TANGO6: variants seen among roughly 807,000 people sequenced by gnomAD.
The protein encoded by TANGO6 is transport and golgi organization 6 homolog, also known as transport and Golgi organization protein 6 homolog.
In TANGO6, 90 loss-of-function variants were observed where a neutral mutation model predicts 114.2. That is an observed-to-expected ratio of 0.79 (90% CI 0.66 to 0.94). TANGO6 has a LOEUF of 0.94. Among genes scored for constraint, TANGO6 ranks in the 40% least tolerant of loss-of-function variants. The probability of loss-of-function intolerance (pLI) is 0.00; values close to 1 mark genes in which losing one functional copy is unlikely to be tolerated. For synonymous variants in TANGO6, 477 were observed against 509.8 expected (o/e 0.94, Z 0.87); for missense variants, 1,274 against 1,315.3 (o/e 0.97, Z 0.49).
intron 14 of TANGO6, among the ~76,000 whole-genome samples, chr16:68,943,831 T>C (rs1963384795): frequency 6.6e-6 from 1 of 152,236 alleles, no homozygotes; most frequent in Non-Finnish European, 1.5e-5. Flanking sequence ...AATAATATTT[T>C]TTAAAATATC....
chr16:69,046,321 A>AT (rs573859095), intron 17 of TANGO6, among the ~76,000 whole-genome samples: 2,316 of 140,950 alleles, frequency 0.016, 45 homozygotes, highest in South Asian at 0.09. Flanking sequence ...TCAGAAAAGG[A>AT]TTTTTTTTTT....
chr16:69,057,269 G>T (rs72789205), intron 17 of TANGO6, among the ~76,000 whole-genome samples: 2 of 151,866 alleles, frequency 1.3e-5, no homozygotes, highest in Non-Finnish European at 2.9e-5. Context: ...GAAAAATAGA[G>T]TATAAATTAA....
chr16:68,907,914 G>A (rs1962874588), intron 10 of TANGO6, among the ~76,000 whole-genome samples: 1 of 152,218 alleles, frequency 6.6e-6, no homozygotes, highest in African/African-American at 2.4e-5. Flanking sequence ...AGGTTTTACA[G>A]CTATAGAGTA....
chr16:69,017,582 C>T (rs1414363865), intron 15 of TANGO6, among the ~76,000 whole-genome samples: 1 of 152,046 alleles, frequency 6.6e-6, no homozygotes, highest in African/African-American at 2.4e-5. Flanking sequence ...GAATGTGTGC[C>T]TTTTCTTCCT....
At chr16:68,987,544 T>G (rs183422458) in intron 15 of TANGO6, among the ~76,000 whole-genome samples, 7 of 152,282 alleles carry the variant, frequency 4.6e-5, no homozygotes, top group Non-Finnish European at 7.3e-5. Context: ...AACTTTTGCA[T>G]TTTTAGTAGA....
intron 16 of TANGO6, among the ~76,000 whole-genome samples, chr16:69,024,880 A>C (rs1321459959): frequency 6.6e-6 from 1 of 151,780 alleles, no homozygotes; most frequent in African/African-American, 2.4e-5. Context: ...CAGTCTCGGC[A>C]CACTGCAACC....
intron 15 of TANGO6, among the ~76,000 whole-genome samples, chr16:68,992,151 A>G (rs1005489604): frequency 1.3e-5 from 2 of 152,210 alleles, no homozygotes; most frequent in Admixed American, 6.5e-5. Context: ...CACTATATTT[A>G]GTCTTCTAGT....
chr16:69,022,715 A>C, intron 15 of TANGO6, 113 bp from the exon 16 acceptor site: 1 of 1,225,680 alleles, frequency 8.2e-7, no homozygotes, highest in Non-Finnish European at 1.1e-6. Context: ...AAAAAAAAAT[A>C]AAAACAAAAA....
chr16:68,954,267 A>T (rs1289982190), intron 14 of TANGO6, among the ~76,000 whole-genome samples: 1 of 151,346 alleles, frequency 6.6e-6, no homozygotes, highest in Non-Finnish European at 1.5e-5. Context: ...AAAAAAAAAA[A>T]AGGAAGGAGG....
Position 69,083,738 on chromosome 16 carries a change from C to T in TANGO6, c.*77C>T, listed in dbSNP as rs1597084746. The T allele has an allele frequency of 6.8e-7, 1 of 1,469,710 alleles. No homozygotes were observed. Among genetic ancestry groups the T allele is most frequent in the East Asian group, 2.5e-5 (1 of 40,442 alleles). The allele number at this position is 1,469,710 out of a possible 1,614,324, so 91.0% of individuals were successfully genotyped here. A position where few individuals can be genotyped will look rare whatever the true frequency, so the allele number is the denominator to read the frequency against. ...GTGCCCAGGTCTTCCAGCAGGTGGC[C>T]CTGCTGCCTCTTGAGTGCTGGCAGC... On this transcript the variant is annotated 3_prime_UTR_variant, in exon 18 of 18. Transcript: ENST00000261778.
At chr16:68,922,347 C>A (rs1020090483) in intron 12 of TANGO6, among the ~76,000 whole-genome samples, 5 of 151,954 alleles carry the variant, frequency 3.3e-5, no homozygotes, top group African/African-American at 1.2e-4. Flanking sequence ...ACCAGCCTGG[C>A]AAACATGGTG....
chr16:69,074,756 T>C (rs1319098810), intron 17 of TANGO6, among the ~76,000 whole-genome samples: 1 of 151,382 alleles, frequency 6.6e-6, no homozygotes, highest in Non-Finnish European at 1.5e-5. Flanking sequence ...CAGCCTCATT[T>C]TCCAGCTCTC....
At chr16:68,852,988 T>G (rs1359726973) in intron 1 of TANGO6, among the ~76,000 whole-genome samples, 1 of 152,240 alleles carries the variant, frequency 6.6e-6, no homozygotes, top group Admixed American at 6.5e-5. Flanking sequence ...CTTTTTTTGA[T>G]GCGTTCAAAG....
intron 15 of TANGO6, among the ~76,000 whole-genome samples, chr16:68,980,405 CTCTCTATA>C (rs1199720393): frequency 5.6e-4 from 38 of 67,396 alleles, no homozygotes; most frequent in African/African-American, 2.4e-3. Flanking sequence ...CTCTCTCTCT[CTCTCTATA>C]TATATATATA....
At chr16:68,913,004 C>G (rs1287055221) in intron 11 of TANGO6, among the ~76,000 whole-genome samples, 3 of 146,324 alleles carry the variant, frequency 2.1e-5, no homozygotes, top group African/African-American at 7.6e-5. Flanking sequence ...CACTTGAACC[C>G]GGGAGGCGGA....
intron 1 of TANGO6, among the ~76,000 whole-genome samples, chr16:68,855,354 G>A (rs1324613163): frequency 6.6e-6 from 1 of 152,132 alleles, no homozygotes; most frequent in African/African-American, 2.4e-5. Context: ...GGCCAAGGCA[G>A]ACAGATCACC....
chr16:68,970,437 G>A (rs1963690815), intron 14 of TANGO6, among the ~76,000 whole-genome samples: 2 of 152,128 alleles, frequency 1.3e-5, no homozygotes, highest in South Asian at 4.1e-4. Context: ...GGAGGCCGAG[G>A]CAGGTGGATC....
intron 17 of TANGO6, among the ~76,000 whole-genome samples, chr16:69,056,074 C>G (rs1407751441): frequency 6.6e-6 from 1 of 151,968 alleles, no homozygotes; most frequent in African/African-American, 2.4e-5. Context: ...AAAATTAAAG[C>G]TGAAAAGATG....
intron 14 of TANGO6, among the ~76,000 whole-genome samples, chr16:68,963,919 T>G (rs1333770870): frequency 6.6e-6 from 1 of 152,214 alleles, no homozygotes; most frequent in Non-Finnish European, 1.5e-5. Flanking sequence ...GGTTGTGGAT[T>G]CATACCTTTT....
Sources: gnomAD v4.1 joint callset for allele counts (sites outside exome capture counted in the v4.1 genomes callset) on GRCh38, gnomAD v4.1.1 for gene constraint, MANE v1.5 for transcripts, NCBI Gene and HGNC (gene_info 2026-07-23, HGNC 2026-07-21) for gene names.